The following TBC1D32 variants were observed in gnomAD, a reference collection of about 807,000 sequenced individuals.
TBC1D32 encodes the protein TBC1 domain family member 32.
Under a neutral mutation model 170.3 loss-of-function variants are expected in TBC1D32, and 151 were observed. That is an observed-to-expected ratio of 0.89 (90% confidence interval 0.78 to 1.01). The LOEUF (loss-of-function observed/expected upper bound fraction) is 1.01, where lower values mean the gene tolerates loss of function less well. TBC1D32 is among the 50% of genes least tolerant of loss of function. The pLI, the probability that TBC1D32 is intolerant of heterozygous loss-of-function variation, is 0.00. For synonymous variants in TBC1D32, 498 were observed against 488.0 expected (o/e 1.02, Z -0.27); for missense variants, 1,464 against 1,457.1 (o/e 1.00, Z -0.08).
chr6:121,326,971 A>T (rs182696911), intron 1 of TBC1D32, among the ~76,000 whole-genome samples: 28 of 152,274 alleles, frequency 1.8e-4, no homozygotes, highest in African/African-American at 6.3e-4. Flanking sequence ...TTAAATACTC[A>T]TCCAACAATT....
intron 20 of TBC1D32, among the ~76,000 whole-genome samples, chr6:121,238,120 G>A (rs1041159779): frequency 6.6e-6 from 1 of 152,086 alleles, no homozygotes; most frequent in African/African-American, 2.4e-5. Flanking sequence ...AGAGTTTGGA[G>A]TGTCCCCTCT....
At chr6:121,313,414 G>C (rs1234494089) in intron 3 of TBC1D32, among the ~76,000 whole-genome samples, 1 of 151,378 alleles carries the variant, frequency 6.6e-6, no homozygotes, top group South Asian at 2.1e-4. Context: ...CTCCCGAGTA[G>C]CTGAAACTAC....
chr6:121,095,898 T>C (rs1777344252), intron 30 of TBC1D32: 1 of 152,174 alleles, frequency 6.6e-6, no homozygotes, highest in African/African-American at 2.4e-5. Context: ...TTTTCTTTTT[T>C]GTGTGTGTCT....
chr6:121,205,102 T>A lies in TBC1D32; in HGVS notation c.2543A>T (p.Tyr848Phe), dbSNP rs779835394. 6.5e-7 allele frequency: 1 copy of A among 1,532,768 alleles called. No homozygotes were observed. The highest frequency in any genetic ancestry group is 1.2e-5 in the South Asian group (1 of 81,796). 94.9% of individuals were successfully genotyped at this position (1,532,768 alleles called of 1,614,324 possible). A position where few individuals can be genotyped will look rare whatever the true frequency, so the allele number is the denominator to read the frequency against. Reference sequence around the variant, plus strand: ...TAGACCAAAGATATGTGATTGTTCATAGTTGAATAAAGAACGAATCTTAGC... The same window carrying A: ...TAGACCAAAGATATGTGATTGTTCAAAGTTGAATAAAGAACGAATCTTAGC... ...SEAKIRSLFN[Y>F]EQSHIFGLRD... The change falls in exon 22 of 32, where the codon TAT (tyrosine) becomes TTT (phenylalanine). Residue 848 changes from tyrosine (Y) to phenylalanine (F), a missense_variant. Tyr to Phe is a conservative substitution (Grantham distance 22, BLOSUM62 3). Around this residue, in one of 3 missense-constraint regions of TBC1D32, gnomAD observed 1,363 missense variants for 1,338.1 expected, o/e 1.02. Coordinates refer to ENST00000398212, the MANE Select transcript of TBC1D32 (RefSeq NM_152730.6).
intron 24 of TBC1D32, among the ~76,000 whole-genome samples, chr6:121,137,043 T>C (rs1385444612): frequency 6.6e-6 from 1 of 152,104 alleles, no homozygotes; most frequent in Non-Finnish European, 1.5e-5. Context: ...GTAAAGTGTT[T>C]TAAAGTATAC....
At chr6:121,319,055 ATAT>A (rs1809326350) in intron 2 of TBC1D32, among the ~76,000 whole-genome samples, 1 of 149,636 alleles carries the variant, frequency 6.7e-6, no homozygotes, top group Non-Finnish European at 1.5e-5. Flanking sequence ...AATTTAAAAT[ATAT>A]TAATATATTT....
chr6:121,291,417 T>G (rs1006247899), intron 12 of TBC1D32, among the ~76,000 whole-genome samples: 1 of 152,050 alleles, frequency 6.6e-6, no homozygotes, highest in South Asian at 2.1e-4. Flanking sequence ...ATATTTACTA[T>G]GTGGTGCTTT....
intron 21 of TBC1D32, among the ~76,000 whole-genome samples, chr6:121,213,487 A>C (rs146724536): frequency 0.65 from 49,727 of 76,522 alleles, 13,870 homozygotes; most frequent in Non-Finnish European, 0.71. Context: ...AATAAAATAA[A>C]ATAAAATAAA....
intron 14 of TBC1D32, among the ~76,000 whole-genome samples, chr6:121,280,155 T>C (rs1802784010): frequency 1.3e-5 from 2 of 151,468 alleles, no homozygotes; most frequent in African/African-American, 4.8e-5. Flanking sequence ...CTATTAAATA[T>C]CTTTCTTAAA....
At chr6:121,227,692 C>T (rs1279257321) in intron 20 of TBC1D32, among the ~76,000 whole-genome samples, 2 of 152,036 alleles carry the variant, frequency 1.3e-5, no homozygotes, top group African/African-American at 4.8e-5. Flanking sequence ...CTTTTATATA[C>T]TGCTGAATTC....
In TBC1D32 at chr6:121,170,276, TTC is replaced by T. The variant is rs533366498; in HGVS notation, c.2571-9222_2571-9221del. On this transcript the variant is annotated intron_variant, in intron 22 of 31. Transcript: ENST00000398212. ...ACATTTACACTTTAGCTGCTTTGTATTCTGTTATTTAAATTGATTGAATTTAG... is the reference window on the plus strand; with the variant it reads ...ACATTTACACTTTAGCTGCTTTGTATTGTTATTTAAATTGATTGAATTTAG... 2,472 of 963,186 alleles carry T rather than the reference TTC, an allele frequency of 2.6e-3. 16 individuals carry two copies. The highest frequency in any genetic ancestry group is 8.2e-3 in the South Asian group (423 of 51,382). 59.7% of individuals were successfully genotyped at this position (963,186 alleles called of 1,614,324 possible). A position where few individuals can be genotyped will look rare whatever the true frequency, so the allele number is the denominator to read the frequency against.
chr6:121,100,344 T>A (rs12524367), intron 30 of TBC1D32, among the ~76,000 whole-genome samples: 27,107 of 151,868 alleles, frequency 0.18, 3,225 homozygotes, highest in African/African-American at 0.31. Context: ...GTCTCATTGA[T>A]CTGTCTAATG....
At chr6:121,147,125 T>A (rs1228340974) in intron 24 of TBC1D32, among the ~76,000 whole-genome samples, 1 of 152,226 alleles carries the variant, frequency 6.6e-6, no homozygotes, top group Non-Finnish European at 1.5e-5. Context: ...TCCAGCTGCA[T>A]CCATGTTGCT....
At chr6:121,290,247 T>C (rs1388680658) in intron 12 of TBC1D32, among the ~76,000 whole-genome samples, 2 of 152,086 alleles carry the variant, frequency 1.3e-5, no homozygotes, top group African/African-American at 2.4e-5. Flanking sequence ...TGCAATCTAT[T>C]CATCTGACAA....
At position 121,208,729 on chromosome 6, in the gene TBC1D32, GAA is replaced by G. The variant is rs57771111; in HGVS notation, c.2482-3568_2482-3567del. On this transcript the variant is annotated intron_variant, in intron 21 of 31. Coordinates refer to ENST00000398212, the MANE Select transcript of TBC1D32 (RefSeq NM_152730.6). ...GTAGCAACAAGACACGAAACACCTG[GAA>G]AAAAAAAAAAAAAAAACAGAAATTA... Among the ~76,000 whole-genome samples the G allele has an allele frequency of 8.6e-4, 75 of 86,918 alleles. 1 individual carries two copies. The highest frequency in any genetic ancestry group is 7.1e-3 in the East Asian group (19 of 2,670). The allele number at this position is 86,918 out of a possible 152,430, so 57.0% of individuals were successfully genotyped here.
At chr6:121,229,534 C>T (rs1795476866) in intron 20 of TBC1D32, among the ~76,000 whole-genome samples, 1 of 152,066 alleles carries the variant, frequency 6.6e-6, no homozygotes, top group Non-Finnish European at 1.5e-5. Flanking sequence ...AAGGCTTGAT[C>T]AAATTAGATA....
At chr6:121,083,805 T>A (rs532534837) in intron 31 of TBC1D32, among the ~76,000 whole-genome samples, 2 of 152,276 alleles carry the variant, frequency 1.3e-5, no homozygotes, top group African/African-American at 4.8e-5. Flanking sequence ...ATTTTTCATG[T>A]GTTAAATGTA....
intron 30 of TBC1D32, 72 bp from the exon 31 acceptor site, chr6:121,091,113 C>A: frequency 8.1e-7 from 1 of 1,231,772 alleles, no homozygotes; most frequent in Non-Finnish European, 1.1e-6. Flanking sequence ...AAAACATTAA[C>A]CAATAACTCA....
At chr6:121,179,812 G>A (rs1240534921) in intron 22 of TBC1D32, among the ~76,000 whole-genome samples, 5 of 152,220 alleles carry the variant, frequency 3.3e-5, no homozygotes, top group African/African-American at 9.6e-5. Flanking sequence ...AAATTTGGGA[G>A]AGTTGTAGTG....
Sources: allele counts gnomAD v4.1 joint callset (sites outside exome capture counted in the v4.1 genomes callset), GRCh38; gene constraint gnomAD v4.1.1; regional missense constraint gnomAD v4.1.1; transcripts MANE v1.5; gene names NCBI Gene and HGNC (gene_info 2026-07-23, HGNC 2026-07-21).